ATF7IP2: variants seen among roughly 807,000 people sequenced by gnomAD.
The protein encoded by ATF7IP2 is activating transcription factor 7 interacting protein 2, also known as activating transcription factor 7-interacting protein 2.
ATF7IP2 carries 42 observed loss-of-function variants against 64.2 expected under a neutral mutation model. The observed-to-expected ratio is 0.65, with a 90% CI of 0.51 to 0.85. ATF7IP2 has a LOEUF of 0.85. Ranked by LOEUF, ATF7IP2 falls within the 40% of genes least tolerant of loss-of-function variation. The probability of loss-of-function intolerance (pLI) is 0.00; values close to 1 mark genes in which losing one functional copy is unlikely to be tolerated. For synonymous variants in ATF7IP2, 308 were observed against 272.8 expected, an observed-to-expected ratio of 1.13 and a Z score of -1.27; for missense variants, 933 against 784.2, an observed-to-expected ratio of 1.19 and a Z score of -2.27.
intron 1 of ATF7IP2, among the ~76,000 whole-genome samples, chr16:10,390,897 T>C (rs889442888): frequency 6.6e-6 from 1 of 152,088 alleles, no homozygotes; most frequent in African/African-American, 2.4e-5. Context: ...GCATTGTAGC[T>C]CACATTTGTA....
At chr16:10,387,933 C>G (rs1008517263) in intron 1 of ATF7IP2, among the ~76,000 whole-genome samples, 1 of 146,726 alleles carries the variant, frequency 6.8e-6, no homozygotes, top group African/African-American at 2.5e-5. Context: ...GGCAGAGATT[C>G]GCTCTTTGGC....
chr16:10,473,887 G>T, intron 11 of ATF7IP2, 36 bp from the exon 12 acceptor site: 4 of 1,118,916 alleles, frequency 3.6e-6, no homozygotes, highest in African/African-American at 2.0e-5. Context: ...CAGCTATTGA[G>T]GCAAAGCTTT....
At position 10,431,431 on chromosome 16, in the gene ATF7IP2, T is replaced by A; in HGVS notation, c.811T>A (p.Ser271Thr). ...TGAAAGTGCAGACTCAACATGGCAG[T>A]CATCACTTGACACTAATAACAACAG... ...NCESADSTWQ[S>T]SLDTNNNSHY... Residue 271 changes from serine (S) to threonine (T), a missense_variant, in exon 5 of 14, where the codon TCA becomes ACA. Physicochemically the swap from Ser to Thr is moderately conservative, Grantham distance 58. Coordinates refer to ENST00000562102, the MANE Select transcript of ATF7IP2 (RefSeq NM_001393719.1). 6.2e-7 allele frequency: 1 copy of A among 1,602,980 alleles called. No individual in the cohort carries two copies. The highest frequency in any genetic ancestry group is 8.5e-7 in the Non-Finnish European group (1 of 1,172,328).
At chr16:10,418,444 C>T (rs909966498) in intron 2 of ATF7IP2, among the ~76,000 whole-genome samples, 12 of 152,128 alleles carry the variant, frequency 7.9e-5, no homozygotes, top group East Asian at 1.9e-4. Context: ...TTTTGCAAGA[C>T]GATAGAAGCA....
At chr16:10,398,912 A>C (rs141465971) in intron 1 of ATF7IP2, among the ~76,000 whole-genome samples, 2 of 152,158 alleles carry the variant, frequency 1.3e-5, no homozygotes, top group Non-Finnish European at 2.9e-5. Flanking sequence ...TCAGGAGTTC[A>C]AGACCAGCCT....
At chr16:10,419,170 A>G (rs1266283531) in intron 2 of ATF7IP2, among the ~76,000 whole-genome samples, 1 of 152,234 alleles carries the variant, frequency 6.6e-6, no homozygotes, top group Non-Finnish European at 1.5e-5. Flanking sequence ...TATGGTAAAT[A>G]GTGAGACCAG....
In ATF7IP2 at chr16:10,412,010, G is replaced by GGTTTTTTTTTTTTTTTTTT. The variant is rs1476575065; in HGVS notation, c.-241-2564_-241-2563insGTTTTTTTTTTTTTTTTTT. 1.2e-3 allele frequency among the ~76,000 whole-genome samples: 72 copies of GGTTTTTTTTTTTTTTTTTT among 58,400 alleles called. 3 individuals carry two copies. The highest frequency in any genetic ancestry group is 3.4e-3 in the East Asian group (6 of 1,786). 38.3% of individuals were successfully genotyped at this position (58,400 alleles called of 152,430 possible). ...CTTTTTGTTTCATTTATCTTTTTTT[G>GGTTTTTTTTTTTTTTTTTT]TTTTTTTTTTTTTTTTTTTTTTTTT... On this transcript the variant is annotated intron_variant, in intron 1 of 13. Transcript: ENST00000562102.
rs540104280 is a variant in ATF7IP2, at chr16:10,483,227, C to T, written c.*978C>T. On this transcript the variant is annotated 3_prime_UTR_variant, in exon 14 of 14. Transcript: ENST00000562102. ...AAAAACATAATGTATCTTATGAAAG[C>T]ATTACCCAACCTGTTTGAGTTGAGA... The T allele has an allele frequency of 6.6e-6, 1 of 152,180 alleles. No homozygotes were observed. The highest frequency in any genetic ancestry group is 6.5e-5 in the Admixed American group (1 of 15,274). 9.4% of individuals were successfully genotyped at this position (152,180 alleles called of 1,614,324 possible).
Position 10,483,191 on chromosome 16 carries a change from G to T in ATF7IP2, c.*942G>T, listed in dbSNP as rs2050299844. ...TTTGTAGACATAATAAAATTTGTGT[G>T]CTGTGTACACAAAAACATAATGTAT... On this transcript the variant is annotated 3_prime_UTR_variant, in exon 14 of 14. Coordinates refer to ENST00000562102, the MANE Select transcript of ATF7IP2 (RefSeq NM_001393719.1). The T allele has an allele frequency of 6.6e-6, 1 of 152,176 alleles. No homozygotes were observed. The highest frequency in any genetic ancestry group is 6.5e-5 in the Admixed American group (1 of 15,270). 9.4% of individuals were successfully genotyped at this position (152,176 alleles called of 1,614,324 possible).
intron 10 of ATF7IP2, among the ~76,000 whole-genome samples, chr16:10,473,203 T>G (rs2049871120): frequency 6.6e-6 from 1 of 152,204 alleles, no homozygotes; most frequent in African/African-American, 2.4e-5. Context: ...CATTTCCAGG[T>G]GTATTTTCTC....
intron 8 of ATF7IP2, among the ~76,000 whole-genome samples, chr16:10,456,375 C>T (rs1314841891): frequency 1.3e-5 from 2 of 152,154 alleles, no homozygotes; most frequent in African/African-American, 4.8e-5. Context: ...TTGCTAGTGC[C>T]TTGGAAGGAT....
intron 8 of ATF7IP2, among the ~76,000 whole-genome samples, chr16:10,441,209 G>A (rs568115829): frequency 9.9e-5 from 15 of 152,014 alleles, no homozygotes; most frequent in South Asian, 4.1e-4. Flanking sequence ...TGCAATAAAC[G>A]TACGTGTGCA....
Position 10,448,666 on chromosome 16 carries a change from G to T in ATF7IP2, c.1194+8204G>T, listed in dbSNP as rs558631807. On this transcript the variant is annotated intron_variant, in intron 8 of 13. Transcript: ENST00000562102. ...GCTTAAGGAGATTTGGGGCTGAGAT[G>T]ATGGGGTTTTCTAAATATTATTTAG... is the stretch of plus-strand genomic sequence containing the variant. 3.3e-5 allele frequency: 5 copies of T among 152,272 alleles called. No homozygotes were observed. The South Asian group carries it at 1.0e-3, about 32-fold the overall frequency. 9.4% of individuals were successfully genotyped at this position (152,272 alleles called of 1,614,324 possible).
chr16:10,437,108 A>C (rs1053612592), intron 6 of ATF7IP2, among the ~76,000 whole-genome samples: 1 of 141,064 alleles, frequency 7.1e-6, no homozygotes, highest in African/African-American at 2.7e-5. Flanking sequence ...TGCAACCTCC[A>C]CCTCCTGGAT....
At chr16:10,419,087 TC>T (rs1416633848) in intron 2 of ATF7IP2, among the ~76,000 whole-genome samples, 1 of 152,248 alleles carries the variant, frequency 6.6e-6, no homozygotes, top group East Asian at 1.9e-4. Flanking sequence ...GTTCATTTTT[TC>T]GGGCCAGGTC....
chr16:10,426,596 G>A (rs1289915491), intron 3 of ATF7IP2, among the ~76,000 whole-genome samples: 1 of 152,070 alleles, frequency 6.6e-6, no homozygotes, highest in East Asian at 1.9e-4. Flanking sequence ...TGTAATAATT[G>A]CACAGCCATG....
chr16:10,436,479 G>A (rs1007235147), intron 6 of ATF7IP2, among the ~76,000 whole-genome samples: 10 of 151,990 alleles, frequency 6.6e-5, no homozygotes, highest in Admixed American at 5.2e-4. Flanking sequence ...CATGTCTAAT[G>A]TAGAGAAACC....
chr16:10,412,027 T>TTTTTTTTTTTTTTTTTTG (rs2047776968), intron 1 of ATF7IP2, among the ~76,000 whole-genome samples: 1 of 137,702 alleles, frequency 7.3e-6, no homozygotes, highest in Non-Finnish European at 1.6e-5. Context: ...TTTTTTTTTT[T>TTTTTTTTTTTTTTTTTTG]TTTTTTTTTT....
intron 12 of ATF7IP2, among the ~76,000 whole-genome samples, chr16:10,475,184 A>G (rs2049958167): frequency 6.6e-6 from 1 of 152,244 alleles, no homozygotes; most frequent in African/African-American, 2.4e-5. Context: ...TAGAATGTAT[A>G]TAGAAGTCAG....
Sources: allele counts gnomAD v4.1 joint callset (sites outside exome capture counted in the v4.1 genomes callset), GRCh38; gene constraint gnomAD v4.1.1; transcripts MANE v1.5; gene names NCBI Gene and HGNC (gene_info 2026-07-23, HGNC 2026-07-21).